PLAU: variants seen among roughly 807,000 people sequenced by gnomAD.
PLAU encodes the protein urokinase-type plasminogen activator.
Under a neutral mutation model 48.9 loss-of-function variants are expected in PLAU, and 32 were observed. The observed-to-expected ratio is 0.65, with a 90% CI of 0.49 to 0.88. The LOEUF (loss-of-function observed/expected upper bound fraction) is 0.88, where lower values mean the gene tolerates loss of function less well. PLAU is among the 40% of genes least tolerant of loss of function. PLAU has a pLI of 0.00. For synonymous variants in PLAU, 199 were observed against 205.7 expected, an observed-to-expected ratio of 0.97 and a Z score of 0.28; for missense variants, 455 against 545.2, an observed-to-expected ratio of 0.83 and a Z score of 1.65.
chr10:73,909,499 G>A (rs1449602157), upstream of PLAU, among the ~76,000 whole-genome samples: 1 of 152,198 alleles, frequency 6.6e-6, no homozygotes, highest in African/African-American at 2.4e-5. Flanking sequence ...AGAAGACAGT[G>A]GGTCACCTGC....
At position 73,913,324 on chromosome 10, in the gene PLAU, G is replaced by A. The variant is rs1352631477; in HGVS notation, c.403G>A (p.Val135Met). 2 of 1,614,074 alleles carry A rather than the reference G, an allele frequency of 1.2e-6. No individual in the cohort carries two copies. The highest frequency in any genetic ancestry group is 2.7e-5 in the African/African-American group (2 of 74,926). ...CAACCGGAGGCGACCCTGGTGCTAT[G>A]TGCAGGTGGGCCTAAAGCTGCTTGT... Reference protein sequence around the residue: ...PDNRRRPWCYVQVGLKLLVQE... With the variant: ...PDNRRRPWCYMQVGLKLLVQE... Residue 135 changes from valine to methionine, a missense_variant, in exon 6 of 11, where the codon GTG (valine) becomes ATG (methionine). Physicochemically the swap from Val to Met is conservative, Grantham distance 21. Transcript: ENST00000372764.
chr10:73,911,004 T>G (rs1232656852), upstream of PLAU: 1 of 154,142 alleles, frequency 6.5e-6, no homozygotes, highest in African/African-American at 2.4e-5. Flanking sequence ...CAAATCTTTG[T>G]GAGCGTTGCG....
Position 73,914,863 on chromosome 10 carries a change from A to T in PLAU, c.917A>T (p.Asp306Val). ...QTICLPSMYN[D>V]PQFGTSCEIT... is the part of the protein sequence containing the mutation. ...ATCTGCCTGCCCTCGATGTATAACG[A>T]TCCCCAGTTTGGCACAAGCTGTGAG... The change falls in exon 9 of 11, where the codon GAT becomes GTT. Residue 306 changes from aspartate to valine, a missense_variant. Transcript: ENST00000372764. 3 of 1,614,208 alleles carry T rather than the reference A, an allele frequency of 1.9e-6. No homozygotes were observed. Among genetic ancestry groups the T allele is most frequent in the Middle Eastern group, 1.6e-4 (1 of 6,062 alleles).
Position 73,914,079 on chromosome 10 carries a change from C to A in PLAU, c.780C>A (p.Ile260=). 6.2e-7 allele frequency: 1 copy of A among 1,614,134 alleles called. No homozygotes were observed. Among genetic ancestry groups the A allele is most frequent in the Non-Finnish European group, 8.5e-7 (1 of 1,179,968 alleles). The change falls in exon 8 of 11, where the codon ATC becomes ATA. Residue 260 remains isoleucine (I), a synonymous_variant. Transcript: ENST00000372764. ...TGAAGTTTGAGGTGGAAAACCTCAT[C>A]CTACACAAGGACTACAGCGCTGACA... ...GEMKFEVENL[I]LHKDYSADTL... is the part of the protein sequence containing the mutation.
Position 73,913,988 on chromosome 10 carries a change from C to G in PLAU, c.689C>G (p.Pro230Arg), listed in dbSNP as rs761865856. 6.2e-7 allele frequency: 1 copy of G among 1,613,368 alleles called. No homozygotes were observed. The highest frequency in any genetic ancestry group is 1.1e-5 in the South Asian group (1 of 91,066). Residue 230 changes from proline (P) to arginine (R), a missense_variant, in exon 8 of 11, where the codon CCA (proline) becomes CGA (arginine). Physicochemically the swap from Pro to Arg is moderately radical, Grantham distance 103. Coordinates refer to ENST00000372764, the MANE Select transcript of PLAU (RefSeq NM_002658.6). ...ISATHCFIDY[P>R]KKEDYIVYLG... ...GGTATCTTCTCCCACAGTGATTACC[C>G]AAAGAAGGAGGACTACATCGTCTAC...
At chr10:73,911,085 G>T, upstream of PLAU, 1 of 160,878 alleles carries the variant, frequency 6.2e-6, no homozygotes, top group Non-Finnish European at 1.3e-5. Context: ...AGGGAGGGGC[G>T]GCGCCGGGGC....
At chr10:73,913,900 C>T in intron 7 of PLAU, 80 bp from the exon 8 acceptor site, 3 of 1,474,016 alleles carry the variant, frequency 2.0e-6, no homozygotes, top group Non-Finnish European at 2.8e-6. Flanking sequence ...ACAAGTCGTG[C>T]TTTGAGGCCT....
Position 73,914,982 on chromosome 10 carries a change from C to T in PLAU, c.970+66C>T, listed in dbSNP as rs2227571. 769,873 of 1,541,064 alleles carry T rather than the reference C, an allele frequency of 0.5. 203,978 individuals are homozygous for T. The highest frequency in any genetic ancestry group is 0.6 in the Middle Eastern group (3,515 of 5,890). The stretch of plus-strand genomic sequence containing the variant: ...TGTTTTGACCTGAAAATGAGCCCAG[C>T]GTGATCAAGGGAAGACTGCAGAGTT... On this transcript the variant is annotated intron_variant, in intron 9 of 10. Coordinates refer to ENST00000372764, the MANE Select transcript of PLAU (RefSeq NM_002658.6).
At position 73,916,392 on chromosome 10, in the gene PLAU, G is replaced by A; in HGVS notation, c.1123G>A (p.Asp375Asn). 6.2e-7 allele frequency: 1 copy of A among 1,612,596 alleles called. No homozygotes were observed. The highest frequency in any genetic ancestry group is 8.5e-7 in the Non-Finnish European group (1 of 1,179,296). ...TTTTGTATCTTTGGCGTCACAGGGA[G>A]ACTCAGGGGGACCCCTCGTCTGTTC... Reference protein sequence around the residue: ...PQWKTDSCQGDSGGPLVCSLQ... With the variant: ...PQWKTDSCQGNSGGPLVCSLQ... Residue 375 changes from aspartate (D) to asparagine (N), a missense_variant, in exon 11 of 11, where the codon GAC becomes AAC. By Grantham distance (23) the Asp-to-Asn change is conservative. Coordinates refer to ENST00000372764, the MANE Select transcript of PLAU (RefSeq NM_002658.6).
intron 5 of PLAU, 68 bp from the exon 6 acceptor site, chr10:73,913,222 C>T: frequency 2.5e-5 from 39 of 1,583,598 alleles, no homozygotes; most frequent in Non-Finnish European, 3.4e-5. Flanking sequence ...TTGAGTCTTC[C>T]CTGAGGGGAG....
At position 73,913,535 on chromosome 10, in the gene PLAU, C is replaced by T. The variant is rs761499143; in HGVS notation, c.461-4C>T. On this transcript the variant is annotated splice_polypyrimidine_tract_variant and splice_region_variant and intron_variant, in intron 6 of 10. Transcript: ENST00000372764. ...CCTAAGACATCCCTCTGTTTGTCCT[C>T]CAGGAAAAAAGCCCTCCTCTCCTCC... The T allele has an allele frequency of 5.6e-6, 9 of 1,608,856 alleles. No homozygotes were observed. In the South Asian group the frequency reaches 9.9e-5, roughly 18 times the overall value.
Position 73,912,216 on chromosome 10 carries a change from G to T in PLAU, c.87G>T (p.Ser29=), listed in dbSNP as rs774129403. 1 of 1,614,118 alleles carries T rather than the reference G, an allele frequency of 6.2e-7. No individual in the cohort carries two copies. Among genetic ancestry groups the T allele is most frequent in the Admixed American group, 1.7e-5 (1 of 60,012 alleles). The part of the protein sequence containing the change: ...KGSNELHQVP[S]NCDCLNGGTC... ...TTACCCCACCTTTGTTCTCTCCAGC[G>T]AACTGTGACTGTCTAAATGGAGGAA... Residue 29 remains serine, a splice_region_variant and synonymous_variant, in exon 4 of 11, where the codon TCG becomes TCT. Coordinates refer to ENST00000372764, the MANE Select transcript of PLAU (RefSeq NM_002658.6).
chr10:73,916,594 C>T lies in PLAU; in HGVS notation c.*29C>T. The T allele has an allele frequency of 6.4e-7, 1 of 1,572,508 alleles. No homozygotes were observed. The highest frequency in any genetic ancestry group is 8.7e-7 in the Non-Finnish European group (1 of 1,154,294). ...TCCCCAGGGAGGAAACGGGCACCAC[C>T]CGCTTTCTTGCTGGTTGTCATTTTT... On this transcript the variant is annotated 3_prime_UTR_variant, in exon 11 of 11. Transcript: ENST00000372764.
chr10:73,912,043 C>T lies in PLAU; in HGVS notation c.60C>T (p.Gly20=). The T allele has an allele frequency of 6.2e-7, 1 of 1,611,470 alleles. No homozygotes were observed. Among genetic ancestry groups the T allele is most frequent in the Non-Finnish European group, 8.5e-7 (1 of 1,178,428 alleles). Residue 20 remains glycine (G), a splice_region_variant and synonymous_variant, in exon 3 of 11, where the codon GGC becomes GGT. Coordinates refer to ENST00000372764, the MANE Select transcript of PLAU (RefSeq NM_002658.6). ...GCCTCCTCCCGAATCTCTTCCAGGG[C>T]AGCAATGAACTTCATCAAGTTCCAT... ...LCVLVVSDSK[G]SNELHQVPSN... is the part of the protein sequence containing the mutation.
chr10:73,915,562 A>G (rs977920361), intron 10 of PLAU, among the ~76,000 whole-genome samples, 163 bp downstream of exon 10: 13 of 152,200 alleles, frequency 8.5e-5, no homozygotes, highest in Non-Finnish European at 1.5e-5. Context: ...TGTGTTTGCC[A>G]GACATTACCA....
intron 5 of PLAU, 32 bp downstream of exon 5, chr10:73,913,130 T>G: frequency 6.2e-7 from 1 of 1,603,734 alleles, no homozygotes; most frequent in Non-Finnish European, 8.5e-7. Flanking sequence ...CCAAAAGCCC[T>G]CCCTACAGCT....
At chr10:73,914,245 T>A in intron 8 of PLAU, 117 bp downstream of exon 8, 1 of 965,176 alleles carries the variant, frequency 1.0e-6, no homozygotes, top group Non-Finnish European at 1.6e-6. Context: ...GCGAGGGACC[T>A]TGAAGCCTCG....
In PLAU at chr10:73,914,935, T is replaced by G. The variant is rs1470891541; in HGVS notation, c.970+19T>G. On this transcript the variant is annotated intron_variant, in intron 9 of 10. Coordinates refer to ENST00000372764, the MANE Select transcript of PLAU (RefSeq NM_002658.6). ...AATTCTAGTAAGTGACAATTGCGAC[T>G]GACTTAGAAGGTCCTGAGGAGTGTT... 1.6e-5 allele frequency: 26 copies of G among 1,612,836 alleles called. No homozygotes were observed. The highest frequency in any genetic ancestry group is 2.7e-5 in the African/African-American group (2 of 74,894).
chr10:73,913,352 A>C lies in PLAU; in HGVS notation c.431A>C (p.Gln144Pro). 1 of 1,614,118 alleles carries C rather than the reference A, an allele frequency of 6.2e-7. No individual in the cohort carries two copies. The highest frequency in any genetic ancestry group is 1.7e-5 in the Admixed American group (1 of 60,018). ...YVQVGLKLLV[Q>P]ECMVHDCADG... The stretch of plus-strand genomic sequence containing the variant: ...CAGGTGGGCCTAAAGCTGCTTGTCC[A>C]AGAGTGCATGGTGCATGACTGCGCA... The change falls in exon 6 of 11, where the codon CAA (glutamine) becomes CCA (proline). Residue 144 changes from glutamine (Q) to proline (P), a missense_variant. Gln to Pro is a moderately conservative substitution (Grantham distance 76). Transcript: ENST00000372764.
Sources: allele counts gnomAD v4.1 joint callset (sites outside exome capture counted in the v4.1 genomes callset), GRCh38; gene constraint gnomAD v4.1.1; transcripts MANE v1.5; gene names NCBI Gene and HGNC (gene_info 2026-07-23, HGNC 2026-07-21).